PUM2: variants seen among roughly 807,000 people sequenced by gnomAD.
PUM2 encodes the protein pumilio homolog 2.
A neutral mutation model predicts 124.5 loss-of-function variants in PUM2; 57 were observed. The ratio of observed to expected loss-of-function variants is 0.46; its 90% CI spans 0.37 to 0.57. The LOEUF (loss-of-function observed/expected upper bound fraction) is 0.57. Among genes scored for constraint, PUM2 ranks in the 20% least tolerant of loss-of-function variants. PUM2 has a pLI of 0.00. For missense variants in PUM2, 1,065 were observed against 1,290.6 expected (o/e 0.83, Z 2.68); for synonymous variants, 460 against 446.1 (o/e 1.03, Z -0.39).
intron 3 of PUM2, among the ~76,000 whole-genome samples, chr2:20,315,837 A>AAC (rs1491157860): frequency 1.8e-4 from 3 of 16,396 alleles, no homozygotes; most frequent in African/African-American, 6.0e-4. Flanking sequence ...ACCTGGTCTC[A>AAC]AAAAAAAAAA....
chr2:20,257,840 A>T (rs1296816329), intron 16 of PUM2, among the ~76,000 whole-genome samples: 1 of 152,214 alleles, frequency 6.6e-6, no homozygotes, highest in Non-Finnish European at 1.5e-5. Flanking sequence ...ATTTTTAAAA[A>T]AAACATTTTC....
At chr2:20,267,477 C>T (rs966896155) in intron 13 of PUM2, among the ~76,000 whole-genome samples, 1 of 152,168 alleles carries the variant, frequency 6.6e-6, no homozygotes, top group East Asian at 1.9e-4. Context: ...CCATTAGTCT[C>T]AAATTATCCC....
chr2:20,346,800 T>A (rs1688330936), intron 1 of PUM2, among the ~76,000 whole-genome samples: 1 of 152,210 alleles, frequency 6.6e-6, no homozygotes, highest in South Asian at 2.1e-4. Flanking sequence ...CAGTACTGAC[T>A]AAGTGGTTTT....
rs1448432842 is a variant in PUM2, at chr2:20,250,742, C to T, written c.*843G>A. On this transcript the variant is annotated 3_prime_UTR_variant, in exon 21 of 21. Coordinates refer to ENST00000361078, the MANE Select transcript of PUM2 (RefSeq NM_015317.5). ...ACACTTCCTCAACATGTCTGTAATT[C>T]TATAAGCAAAACAAAATACAAATTT... 2 of 152,422 alleles carry T rather than the reference C, an allele frequency of 1.3e-5. No individual in the cohort carries two copies. The highest frequency in any genetic ancestry group is 2.4e-5 in the African/African-American group (1 of 41,458). The allele number at this position is 152,422 out of a possible 1,614,324, so 9.4% of individuals were successfully genotyped here. A position where few individuals can be genotyped will look rare whatever the true frequency, so the allele number is the denominator to read the frequency against.
chr2:20,253,684 T>TA, intron 20 of PUM2, 138 bp downstream of exon 20: 1 of 798,012 alleles, frequency 1.3e-6, no homozygotes, highest in Non-Finnish European at 1.9e-6. Flanking sequence ...CATACCAATA[T>TA]ATCTGCCAAA....
chr2:20,314,822 G>A lies in PUM2; in HGVS notation c.161-2399C>T, dbSNP rs1680484885. ...AATGAGCTATACATGAGGAATCCGA[G>A]AACAACACAGTTTGTCCTCAAGAGT... On this transcript the variant is annotated intron_variant, in intron 3 of 20. Transcript: ENST00000361078. Among the ~76,000 whole-genome samples the A allele has an allele frequency of 2.0e-5, 3 of 151,990 alleles. No homozygotes were observed. In the South Asian group the frequency reaches 6.2e-4, roughly 32 times the overall value.
chr2:20,256,906 T>A (rs1472624289), intron 16 of PUM2, among the ~76,000 whole-genome samples: 1 of 151,706 alleles, frequency 6.6e-6, no homozygotes, highest in Non-Finnish European at 1.5e-5. Flanking sequence ...TAGCCAGACG[T>A]GGTGGCGCAT....
chr2:20,328,837 A>T (rs1360390056), intron 1 of PUM2, among the ~76,000 whole-genome samples: 1 of 152,192 alleles, frequency 6.6e-6, no homozygotes, highest in Non-Finnish European at 1.5e-5. Flanking sequence ...AGCCAAATAA[A>T]ACAAAGATGA....
At chr2:20,255,094 A>T in intron 18 of PUM2, 110 bp from the exon 19 acceptor site, 1 of 1,468,156 alleles carries the variant, frequency 6.8e-7, no homozygotes, top group Non-Finnish European at 9.3e-7. Context: ...AGTTAGGAGA[A>T]TACAACAGCC....
intron 7 of PUM2, 84 bp from the exon 8 acceptor site, chr2:20,297,762 C>T: frequency 2.2e-6 from 3 of 1,336,100 alleles, no homozygotes; most frequent in Non-Finnish European, 3.1e-6. Context: ...TACTCTGAAT[C>T]TGGGGTGGTG....
intron 2 of PUM2, among the ~76,000 whole-genome samples, chr2:20,325,298 A>T (rs1683401370): frequency 1.3e-5 from 2 of 152,334 alleles, no homozygotes; most frequent in South Asian, 4.1e-4. Flanking sequence ...TTACAGATAC[A>T]CTGACATGCT....
At chr2:20,266,092 T>G (rs1395766552) in intron 13 of PUM2, among the ~76,000 whole-genome samples, 4 of 152,152 alleles carry the variant, frequency 2.6e-5, no homozygotes, top group Admixed American at 2.6e-4. Flanking sequence ...GCCTTGAATT[T>G]TAAAAAACCA....
At chr2:20,272,266 C>T (rs935686747) in intron 13 of PUM2, among the ~76,000 whole-genome samples, 2 of 152,094 alleles carry the variant, frequency 1.3e-5, no homozygotes, top group Non-Finnish European at 2.9e-5. Flanking sequence ...AACGTGGGCT[C>T]AAAATTTTGG....
rs115499992 is a variant in PUM2 at position 20,304,929 on chromosome 2, T to C, written c.883+3049A>G. 7.2e-3 allele frequency among the ~76,000 whole-genome samples: 1,104 copies of C among 152,330 alleles called. 19 individuals are homozygous for C. The highest frequency in any genetic ancestry group is 0.026 in the African/African-American group (1,063 of 41,570). ...ACTGCAAATTATATGGTACATATTA[T>C]ACATATTTCTATCGACTAGTCCTTT... On this transcript the variant is annotated intron_variant, in intron 7 of 20. Coordinates refer to ENST00000361078, the MANE Select transcript of PUM2 (RefSeq NM_015317.5).
At chr2:20,274,541 C>T (rs1208832685) in intron 13 of PUM2, among the ~76,000 whole-genome samples, 18 of 151,852 alleles carry the variant, frequency 1.2e-4, no homozygotes, top group Non-Finnish European at 1.3e-4. Flanking sequence ...TTTTATAATC[C>T]ACAGCAAACT....
At chr2:20,317,728 CCCTATGT>C (rs1378104917) in intron 3 of PUM2, among the ~76,000 whole-genome samples, 1 of 151,988 alleles carries the variant, frequency 6.6e-6, no homozygotes, top group Non-Finnish European at 1.5e-5. Flanking sequence ...TCAAGGAGGC[CCCTATGT>C]CTGTTGTTCC....
chr2:20,327,165 G>T, intron 2 of PUM2, 145 bp downstream of exon 2: 1 of 601,856 alleles, frequency 1.7e-6, no homozygotes, highest in Non-Finnish European at 2.9e-6. Flanking sequence ...CAACAGAATT[G>T]TACAATCTGA....
chr2:20,340,889 A>C (rs1362846337), intron 1 of PUM2, among the ~76,000 whole-genome samples: 1 of 152,254 alleles, frequency 6.6e-6, no homozygotes, highest in Admixed American at 6.5e-5. Context: ...TTGCAAATGG[A>C]AACAACAATG....
At chr2:20,305,949 G>C (rs559551660) in intron 7 of PUM2, among the ~76,000 whole-genome samples, 68 of 152,238 alleles carry the variant, frequency 4.5e-4, no homozygotes, top group Middle Eastern at 3.4e-3. Flanking sequence ...AGCAGGGCAC[G>C]GTGGCTCACG....
Sources: gnomAD v4.1 joint callset for allele counts (sites outside exome capture counted in the v4.1 genomes callset) on GRCh38, gnomAD v4.1.1 for gene constraint, MANE v1.5 for transcripts, NCBI Gene and HGNC (gene_info 2026-07-23, HGNC 2026-07-21) for gene names.